PIK3R5: variants seen among roughly 807,000 people sequenced by gnomAD.
PIK3R5 encodes phosphoinositide 3-kinase regulatory subunit 5.
In PIK3R5, 32 loss-of-function variants were observed where a neutral mutation model predicts 94.9. The observed-to-expected ratio is 0.34, with a 90% CI of 0.25 to 0.45. The LOEUF is 0.45. PIK3R5 is among the 20% of genes least tolerant of loss of function. The pLI is 1.00. For synonymous variants in PIK3R5, 443 were observed against 479.4 expected, an observed-to-expected ratio of 0.92 and a Z score of 0.99; for missense variants, 853 against 1,144.6, an observed-to-expected ratio of 0.75 and a Z score of 3.68.
intron 5 of PIK3R5, among the ~76,000 whole-genome samples, chr17:8,903,950 A>C (rs1295769332): frequency 1.3e-5 from 2 of 152,250 alleles, no homozygotes; most frequent in Admixed American, 1.3e-4. Flanking sequence ...CAAAAGAGGA[A>C]GATTATTGGC....
At chr17:8,954,070 A>G (rs1046977503) in intron 1 of PIK3R5, among the ~76,000 whole-genome samples, 4 of 150,652 alleles carry the variant, frequency 2.7e-5, no homozygotes, top group African/African-American at 9.7e-5. Flanking sequence ...AAAAAAAAGA[A>G]AAAAAGAAAA....
chr17:8,932,848 T>C (rs2091010798), intron 1 of PIK3R5, among the ~76,000 whole-genome samples: 1 of 151,958 alleles, frequency 6.6e-6, no homozygotes, highest in Non-Finnish European at 1.5e-5. Flanking sequence ...GCCAAAATGT[T>C]CCCAAATTTA....
intron 1 of PIK3R5, among the ~76,000 whole-genome samples, chr17:8,927,536 T>C (rs753755330): frequency 1.8e-4 from 27 of 152,122 alleles, no homozygotes; most frequent in Non-Finnish European, 3.2e-4. Context: ...ACCTCCATGA[T>C]AAGATGATGT....
chr17:8,887,062 G>T, intron 12 of PIK3R5, 34 bp downstream of exon 12: 1 of 1,612,434 alleles, frequency 6.2e-7, no homozygotes, highest in Non-Finnish European at 8.5e-7. Flanking sequence ...ACTGCAGCCA[G>T]TGGACCCTGT....
At chr17:8,894,282 C>A (rs1404810832) in intron 5 of PIK3R5, among the ~76,000 whole-genome samples, 2 of 152,224 alleles carry the variant, frequency 1.3e-5, no homozygotes, top group African/African-American at 4.8e-5. Context: ...CCGTCTTGTG[C>A]CGCAGGGCTA....
intron 12 of PIK3R5, 94 bp downstream of exon 12, chr17:8,887,002 G>A (rs182197942): frequency 9.1e-6 from 13 of 1,428,458 alleles, no homozygotes; most frequent in South Asian, 1.3e-5. Context: ...CTCCATGGGG[G>A]CCTCAAGCCT....
chr17:8,901,170 C>T (rs61759594), intron 5 of PIK3R5, among the ~76,000 whole-genome samples: 4,708 of 152,156 alleles, frequency 0.031, 174 homozygotes, highest in East Asian at 0.11. Flanking sequence ...CTTAAACTGG[C>T]GTGTTCCTTT....
intron 1 of PIK3R5, among the ~76,000 whole-genome samples, chr17:8,914,381 A>G (rs750039895): frequency 1.2e-4 from 19 of 152,268 alleles, no homozygotes; most frequent in Non-Finnish European, 2.2e-4. Context: ...TCTAGGGACA[A>G]AAGTTGCTAA....
In PIK3R5 at chr17:8,892,543, T is replaced by C. The variant is rs1370363422; in HGVS notation, c.482+1043A>G. 6.6e-6 allele frequency among the ~76,000 whole-genome samples: 1 copy of C among 152,148 alleles called. No individual in the cohort carries two copies. Among genetic ancestry groups the C allele is most frequent in the East Asian group, 1.9e-4 (1 of 5,198 alleles). ...TTAAATGAGTCAGCACATGTAACCA[T>C]GCTTAGGATGGTGCCTGGAGTCCGA... On this transcript the variant is annotated intron_variant, in intron 6 of 18. Transcript: ENST00000447110. The surrounding 1 kb of genome is among the most constrained non-coding windows in gnomAD (Gnocchi z 4.3).
intron 5 of PIK3R5, among the ~76,000 whole-genome samples, chr17:8,899,853 T>C (rs1486048160): frequency 6.6e-6 from 1 of 151,904 alleles, no homozygotes; most frequent in Non-Finnish European, 1.5e-5. Context: ...GCCTGGCCAA[T>C]ATGGTGAAAC....
At chr17:8,942,475 C>A (rs1358936355) in intron 1 of PIK3R5, among the ~76,000 whole-genome samples, 1 of 152,180 alleles carries the variant, frequency 6.6e-6, no homozygotes, top group Admixed American at 6.5e-5. Context: ...CTCTGCTCAG[C>A]CCCACCAACA....
At chr17:8,891,797 G>A (rs190193214) in intron 6 of PIK3R5, among the ~76,000 whole-genome samples, 66 of 151,684 alleles carry the variant, frequency 4.4e-4, no homozygotes, top group African/African-American at 1.4e-3. Flanking sequence ...GTAGAGACAG[G>A]GTTTCAATGT....
At chr17:8,883,569 G>C (rs148771631) in intron 15 of PIK3R5, among the ~76,000 whole-genome samples, 122 of 152,298 alleles carry the variant, frequency 8.0e-4, no homozygotes, top group African/African-American at 2.9e-3. Flanking sequence ...AGTTTCTGCT[G>C]CTGTGAGAGC....
intron 1 of PIK3R5, among the ~76,000 whole-genome samples, chr17:8,913,937 A>G (rs950447225): frequency 6.6e-6 from 1 of 152,162 alleles, no homozygotes; most frequent in African/African-American, 2.4e-5. Flanking sequence ...TTGTGCTGGC[A>G]CCTGGCATGG....
At chr17:8,951,292 G>A (rs891887275) in intron 1 of PIK3R5, among the ~76,000 whole-genome samples, 4 of 152,168 alleles carry the variant, frequency 2.6e-5, no homozygotes, top group African/African-American at 7.2e-5. Flanking sequence ...TAAGTATACA[G>A]TTCAGTGACA....
Position 8,890,804 on chromosome 17 carries a change from G to A in PIK3R5, c.591C>T (p.Leu197=), listed in dbSNP as rs530065110. The part of the protein sequence containing the change: ...HSPHSAYTTL[L]LHAFQATFGA... ...CAAAGGTGGCCTGGAAGGCGTGCAG[G>A]AGCAGGGTGGTGTAGGCACTGTGAG... is the stretch of plus-strand genomic sequence containing the variant. Residue 197 remains leucine (L), a synonymous_variant, in exon 7 of 19, where the codon CTC becomes CTT. Coordinates refer to ENST00000447110, the MANE Select transcript of PIK3R5 (RefSeq NM_001142633.3). The surrounding 1 kb of genome is among the most constrained non-coding windows in gnomAD (Gnocchi z 6.1). The A allele has an allele frequency of 2.1e-5, 34 of 1,613,306 alleles. No homozygotes were observed. The highest frequency in any genetic ancestry group is 1.3e-4 in the South Asian group (12 of 90,854).
intron 1 of PIK3R5, among the ~76,000 whole-genome samples, chr17:8,963,387 GC>G (rs1432652543): frequency 1.3e-5 from 2 of 152,102 alleles, no homozygotes; most frequent in Admixed American, 1.3e-4. Flanking sequence ...CAGCCAGCAG[GC>G]CCCTGATGGA....
intron 1 of PIK3R5, among the ~76,000 whole-genome samples, chr17:8,947,781 T>C (rs1033680526): frequency 2.6e-5 from 4 of 152,102 alleles, no homozygotes; most frequent in Admixed American, 2.6e-4. Flanking sequence ...CGGTGGCTCA[T>C]GCCTGTAATC....
At chr17:8,895,659 C>G (rs889511114) in intron 5 of PIK3R5, among the ~76,000 whole-genome samples, 4 of 152,180 alleles carry the variant, frequency 2.6e-5, no homozygotes, top group African/African-American at 9.7e-5. Context: ...TCTCTAACAT[C>G]TATATTCGTG....
Sources: allele counts gnomAD v4.1 joint callset (sites outside exome capture counted in the v4.1 genomes callset), GRCh38; gene constraint gnomAD v4.1.1; non-coding constraint Gnocchi (gnomAD v3.1); transcripts MANE v1.5; gene names NCBI Gene and HGNC (gene_info 2026-07-23, HGNC 2026-07-21).